XKR9: variants seen among roughly 807,000 people sequenced by gnomAD.
XKR9 encodes the protein XK-related protein 9.
Under a neutral mutation model 32.0 loss-of-function variants are expected in XKR9, and 32 were observed. The ratio of observed to expected loss-of-function variants is 1.00; its 90% CI spans 0.76 to 1.34. The LOEUF (loss-of-function observed/expected upper bound fraction) is 1.34. Among genes scored for constraint, XKR9 ranks in the 40% most tolerant of loss-of-function variants. The pLI is 0.00. For synonymous variants in XKR9, 168 were observed against 143.4 expected, an observed-to-expected ratio of 1.17 and a Z score of -1.22; for missense variants, 546 against 429.7, an observed-to-expected ratio of 1.27 and a Z score of -2.39.
intron 3 of XKR9, among the ~76,000 whole-genome samples, chr8:70,702,148 G>T (rs929745962): frequency 3.2e-4 from 48 of 152,154 alleles, no homozygotes; most frequent in African/African-American, 1.1e-3. Context: ...CTTAGAGAGA[G>T]GTCATGTAGT....
chr8:70,678,038 A>T (rs1023919416), intron 2 of XKR9: 1 of 152,208 alleles, frequency 6.6e-6, no homozygotes, highest in African/African-American at 2.4e-5. Context: ...AGGATTCAAA[A>T]TCTAGTGCAT....
chr8:70,777,020 C>A (rs1807535168), intron 2 of XKR9, among the ~76,000 whole-genome samples: 2 of 145,250 alleles, frequency 1.4e-5, no homozygotes, highest in Non-Finnish European at 3.0e-5. Flanking sequence ...GGGTTTGTTA[C>A]ATAGGTATAC....
chr8:70,678,197 A>G (rs1818944422), intron 2 of XKR9: 1 of 152,144 alleles, frequency 6.6e-6, no homozygotes, highest in South Asian at 2.1e-4. Flanking sequence ...GCCCATCTCT[A>G]CTGTAATTGC....
chr8:70,995,902 C>A, the XKR9 span, among the ~76,000 whole-genome samples: 1 of 152,318 alleles, frequency 6.6e-6, no homozygotes, highest in Middle Eastern at 3.4e-3. Flanking sequence ...TTCACTACAA[C>A]CACTTTCTCA....
the XKR9 span, among the ~76,000 whole-genome samples, chr8:71,065,020 C>T: frequency 6.6e-6 from 1 of 152,098 alleles, no homozygotes; most frequent in Non-Finnish European, 1.5e-5. Flanking sequence ...CTCTAAACCT[C>T]AGTTGTTCAA....
At chr8:70,816,772 C>T in the XKR9 span, among the ~76,000 whole-genome samples, 7 of 152,068 alleles carry the variant, frequency 4.6e-5, no homozygotes, top group East Asian at 1.4e-3. Flanking sequence ...AGTTAGTTCA[C>T]CATGATTGAA....
At chr8:70,741,492 G>T (rs1806981510) in intron 2 of XKR9, among the ~76,000 whole-genome samples, 1 of 152,156 alleles carries the variant, frequency 6.6e-6, no homozygotes, top group Non-Finnish European at 1.5e-5. Context: ...TATTCATATT[G>T]TATTTGTCTT....
the XKR9 span, among the ~76,000 whole-genome samples, chr8:71,012,099 G>A: frequency 0.02 from 3,010 of 152,212 alleles, 98 homozygotes; most frequent in African/African-American, 0.068. Flanking sequence ...CTACTGTTCC[G>A]TACTCAGCAC....
chr8:70,780,473 T>A (rs1249303968), intron 2 of XKR9, among the ~76,000 whole-genome samples: 1 of 152,098 alleles, frequency 6.6e-6, no homozygotes, highest in Non-Finnish European at 1.5e-5. Context: ...TCCTTATGAT[T>A]TTTTTGACTT....
At chr8:70,992,632 A>T in the XKR9 span, among the ~76,000 whole-genome samples, 1 of 152,236 alleles carries the variant, frequency 6.6e-6, no homozygotes, top group South Asian at 2.1e-4. Flanking sequence ...AGGGGACAAT[A>T]GAAGGAGACT....
chr8:70,779,896 A>G (rs1389536474), intron 2 of XKR9, among the ~76,000 whole-genome samples: 1 of 152,100 alleles, frequency 6.6e-6, no homozygotes, highest in Non-Finnish European at 1.5e-5. Flanking sequence ...GATCTTTTCA[A>G]AAAACCAGCT....
chr8:70,775,581 G>C (rs144331989), intron 2 of XKR9, among the ~76,000 whole-genome samples: 53 of 152,064 alleles, frequency 3.5e-4, no homozygotes, highest in Non-Finnish European at 6.5e-4. Context: ...TTTTTAATTT[G>C]GTTAGTATGG....
the XKR9 span, among the ~76,000 whole-genome samples, chr8:70,933,721 T>A: frequency 6.6e-6 from 1 of 152,042 alleles, no homozygotes; most frequent in Non-Finnish European, 1.5e-5. Context: ...CTTTGATGAT[T>A]GGGGCCCAGA....
chr8:70,877,743 A>G, the XKR9 span, among the ~76,000 whole-genome samples: 1 of 152,212 alleles, frequency 6.6e-6, no homozygotes, highest in Non-Finnish European at 1.5e-5. Context: ...ACTCTGCAGG[A>G]TATTATCCAG....
chr8:70,712,082 G>A (rs948910179), intron 4 of XKR9, among the ~76,000 whole-genome samples: 1 of 152,098 alleles, frequency 6.6e-6, no homozygotes, highest in African/African-American at 2.4e-5. Flanking sequence ...TTTTATTTCT[G>A]TTCCTTCTGA....
the XKR9 span, among the ~76,000 whole-genome samples, chr8:71,061,788 A>G: frequency 6.6e-6 from 1 of 152,030 alleles, no homozygotes. Context: ...ATCAGGAAAG[A>G]CCTCTCTCAG....
chr8:70,866,042 T>C, the XKR9 span, among the ~76,000 whole-genome samples: 1 of 152,180 alleles, frequency 6.6e-6, no homozygotes, highest in Non-Finnish European at 1.5e-5. Context: ...ATCCAACAAT[T>C]TTACTTTAGA....
intron 3 of XKR9, among the ~76,000 whole-genome samples, chr8:70,688,004 T>C (rs563245516): frequency 2.4e-4 from 36 of 152,346 alleles, no homozygotes; most frequent in African/African-American, 8.4e-4. Context: ...GATTTTATGC[T>C]TAGTTGTTTT....
the XKR9 span, among the ~76,000 whole-genome samples, chr8:70,960,531 C>T: frequency 6.6e-6 from 1 of 152,248 alleles, no homozygotes; most frequent in East Asian, 1.9e-4. Flanking sequence ...TCTCTCCTTT[C>T]CTTACTCCTC....
Sources: gnomAD v4.1 joint callset for allele counts (sites outside exome capture counted in the v4.1 genomes callset) on GRCh38, gnomAD v4.1.1 for gene constraint, MANE v1.5 for transcripts, NCBI Gene and HGNC (gene_info 2026-07-23, HGNC 2026-07-21) for gene names.